EXOC3L4: variants seen among roughly 807,000 people sequenced by gnomAD.
The protein encoded by EXOC3L4 is exocyst complex component 3-like protein 4.
EXOC3L4 carries 62 observed loss-of-function variants against 69.7 expected under a neutral mutation model. The observed-to-expected ratio is 0.89, with a 90% CI of 0.72 to 1.10. The LOEUF (loss-of-function observed/expected upper bound fraction) is 1.10, where lower values mean the gene tolerates loss of function less well. Ranked by LOEUF, EXOC3L4 falls within the 50% of genes least tolerant of loss-of-function variation. The pLI, the probability that EXOC3L4 is intolerant of heterozygous loss-of-function variation, is 0.00. For missense variants in EXOC3L4, 1,087 were observed against 1,034.8 expected (o/e 1.05, Z -0.69); for synonymous variants, 502 against 464.2 (o/e 1.08, Z -1.05).
In EXOC3L4 at chr14:103,102,539, G is replaced by A. The variant is rs1402055100; in HGVS notation, c.816G>A (p.Ala272=). The change falls in exon 3 of 12, where the codon GCG becomes GCA. Residue 272 remains alanine, a synonymous_variant. Transcript: ENST00000688303. ...GGGCCTTCGGGGAGGCGGAGGGCGC[G>A]TCGGGTTTGGCCCAGCTTCTGGCCG... ...AGWAFGEAEG[A]SGLAQLLAEL... The A allele has an allele frequency of 7.1e-7, 1 of 1,411,018 alleles. No individual in the cohort carries two copies. The highest frequency in any genetic ancestry group is 9.2e-7 in the Non-Finnish European group (1 of 1,086,214). 87.4% of individuals were successfully genotyped at this position (1,411,018 alleles called of 1,614,324 possible).
chr14:103,104,131 C>A, intron 4 of EXOC3L4, 79 bp downstream of exon 4: 1 of 1,446,716 alleles, frequency 6.9e-7, no homozygotes, highest in Admixed American at 2.6e-5. Flanking sequence ...CCCAGGCTAT[C>A]GGCGGCCAGA....
Position 103,102,413 on chromosome 14 carries a change from C to T in EXOC3L4, c.690C>T (p.Asp230=). Residue 230 remains aspartate (D), a synonymous_variant, in exon 3 of 12, where the codon GAC becomes GAT. Coordinates refer to ENST00000688303, the MANE Select transcript of EXOC3L4 (RefSeq NM_001077594.2). ...AEEEAHPSPP[D]DGDFLRTPRR... is the part of the protein sequence containing the mutation. Reference sequence around the variant, plus strand: ...AGGAAGCCCACCCTTCTCCCCCCGACGACGGCGACTTCCTGCGCACGCCGC... The same window carrying T: ...AGGAAGCCCACCCTTCTCCCCCCGATGACGGCGACTTCCTGCGCACGCCGC... 6.5e-7 allele frequency: 1 copy of T among 1,532,842 alleles called. No homozygotes were observed. Among genetic ancestry groups the T allele is most frequent in the Non-Finnish European group, 8.7e-7 (1 of 1,148,390 alleles). 95.0% of individuals were successfully genotyped at this position (1,532,842 alleles called of 1,614,324 possible).
rs1394411337 is a variant in EXOC3L4 at position 103,107,562 on chromosome 14, C to A, written c.1701+19C>A. ...GGCACAGGTACCACAAGGGGGAGGG[C>A]CCTGGCAGGGCTGTGCCCAGGATTG... is the stretch of plus-strand genomic sequence containing the variant. On this transcript the variant is annotated intron_variant, in intron 9 of 11. Coordinates refer to ENST00000688303, the MANE Select transcript of EXOC3L4 (RefSeq NM_001077594.2). 2 of 1,612,928 alleles carry A rather than the reference C, an allele frequency of 1.2e-6. No individual in the cohort carries two copies. The highest frequency in any genetic ancestry group is 1.1e-5 in the South Asian group (1 of 91,028).
At position 103,104,050 on chromosome 14, in the gene EXOC3L4, GAGGTCAGGCCGGGC is replaced by G. The variant is rs1890384024; in HGVS notation, c.1160_1161+12del. On this transcript the variant is annotated splice_donor_variant and splice_donor_5th_base_variant and coding_sequence_variant and intron_variant, in exon 4 of 12. Transcript: ENST00000688303. LOFTEE classifies it high-confidence loss of function. ...GGAGAGCGACTACACCAGCTTCCTG[GAGGTCAGGCCGGGC>G]GGGTCAGGCTGGGCGGGCCAGGCTG... 1.3e-6 allele frequency: 2 copies of G among 1,566,062 alleles called. No homozygotes were observed. The highest frequency in any genetic ancestry group is 4.7e-5 in the East Asian group (2 of 42,412).
rs1292882331 is a variant in EXOC3L4, at chr14:103,100,236, C to G, written c.17C>G (p.Thr6Arg). The change falls in exon 2 of 12, where the codon ACA becomes AGA. Residue 6 changes from threonine (T) to arginine (R), a missense_variant. Transcript: ENST00000688303. Reference sequence around the variant, plus strand: ...GCTGCCAAGATGCCATCACCACAGACAGACACTCCTGGGCCGGAGCTGCAG... The same window carrying G: ...GCTGCCAAGATGCCATCACCACAGAGAGACACTCCTGGGCCGGAGCTGCAG... MPSPQ[T>R]DTPGPELQSP... is the part of the protein sequence containing the mutation. 6.3e-7 allele frequency: 1 copy of G among 1,580,022 alleles called. No homozygotes were observed.
intron 10 of EXOC3L4, 141 bp downstream of exon 10, chr14:103,107,924 T>G: frequency 8.0e-7 from 1 of 1,253,160 alleles, no homozygotes; most frequent in Non-Finnish European, 1.1e-6. Context: ...CTGGGGCGCC[T>G]GTGGGGCTGG....
In EXOC3L4 at chr14:103,107,790, G is replaced by C; in HGVS notation, c.1854+7G>C. On this transcript the variant is annotated splice_region_variant and intron_variant, in intron 10 of 11. Coordinates refer to ENST00000688303, the MANE Select transcript of EXOC3L4 (RefSeq NM_001077594.2). ...CGACACCTTCCAGGGCCTGGTAGGG[G>C]CGGCATGACTGCCCTTCGGTGCTCG... The C allele has an allele frequency of 6.6e-7, 1 of 1,508,402 alleles. No individual in the cohort carries two copies. The highest frequency in any genetic ancestry group is 8.9e-7 in the Non-Finnish European group (1 of 1,121,800). The allele number at this position is 1,508,402 out of a possible 1,614,324, so 93.4% of individuals were successfully genotyped here. A position where few individuals can be genotyped will look rare whatever the true frequency, so the allele number is the denominator to read the frequency against.
chr14:103,108,023 C>A (rs1411112896), intron 10 of EXOC3L4, among the ~76,000 whole-genome samples: 1 of 152,160 alleles, frequency 6.6e-6, no homozygotes, highest in Non-Finnish European at 1.5e-5. Flanking sequence ...AGGGTCACAG[C>A]CCCATCTCAC....
chr14:103,104,246 G>A (rs1294863781), intron 4 of EXOC3L4, 21 bp from the exon 5 acceptor site: 6 of 1,563,454 alleles, frequency 3.8e-6, no homozygotes, highest in African/African-American at 1.4e-5. Flanking sequence ...TCTCACCACG[G>A]CCCATCCCTT....
intron 4 of EXOC3L4, 25 bp from the exon 5 acceptor site, chr14:103,104,242 C>A: frequency 6.4e-7 from 1 of 1,554,264 alleles, no homozygotes; most frequent in Admixed American, 1.8e-5. Context: ...AGGGTCTCAC[C>A]ACGGCCCATC....
chr14:103,107,562 C>T lies in EXOC3L4; in HGVS notation c.1701+19C>T. ...GGCACAGGTACCACAAGGGGGAGGG[C>T]CCTGGCAGGGCTGTGCCCAGGATTG... On this transcript the variant is annotated intron_variant, in intron 9 of 11. Transcript: ENST00000688303. 17 of 1,613,046 alleles carry T rather than the reference C, an allele frequency of 1.1e-5. No individual in the cohort carries two copies. Among genetic ancestry groups the T allele is most frequent in the Non-Finnish European group, 1.4e-5 (16 of 1,179,710 alleles).
In EXOC3L4 at chr14:103,107,738, G is replaced by T; in HGVS notation, c.1809G>T (p.Lys603Asn). Residue 603 changes from lysine (K) to asparagine (N), a missense_variant, in exon 10 of 12, where the codon AAG (lysine) becomes AAT (asparagine). Coordinates refer to ENST00000688303, the MANE Select transcript of EXOC3L4 (RefSeq NM_001077594.2). ...TGGAGCGCATGCATGGCTCCCAGAA[G>T]ATGAGCCTGGATGCCCAGGCCATCA... is the stretch of plus-strand genomic sequence containing the variant. Reference protein sequence around the residue: ...RGMERMHGSQKMSLDAQAISD... With the variant: ...RGMERMHGSQNMSLDAQAISD... The T allele has an allele frequency of 6.5e-7, 1 of 1,545,628 alleles. No individual in the cohort carries two copies. Among genetic ancestry groups the T allele is most frequent in the Non-Finnish European group, 8.8e-7 (1 of 1,141,876 alleles).
In EXOC3L4 at chr14:103,107,657, C is replaced by T. The variant is rs368209664; in HGVS notation, c.1728C>T (p.Phe576=). 2.9e-5 allele frequency: 45 copies of T among 1,573,678 alleles called. No individual in the cohort carries two copies. The highest frequency in any genetic ancestry group is 4.1e-5 in the African/African-American group (3 of 73,976). Residue 576 remains phenylalanine, a synonymous_variant, in exon 10 of 12, where the codon TTC becomes TTT. Coordinates refer to ENST00000688303, the MANE Select transcript of EXOC3L4 (RefSeq NM_001077594.2). ...AQETLQEVHR[F]VVREYLARAL... is the part of the protein sequence containing the mutation. ...AGACTCTGCAGGAGGTGCACCGGTT[C>T]GTGGTCCGCGAGTACCTGGCGCGGG...
chr14:103,107,449 G>A lies in EXOC3L4; in HGVS notation c.1607G>A (p.Arg536Lys). The A allele has an allele frequency of 6.2e-7, 1 of 1,613,980 alleles. No individual in the cohort carries two copies. The highest frequency in any genetic ancestry group is 8.5e-7 in the Non-Finnish European group (1 of 1,180,004). Residue 536 changes from arginine (R) to lysine (K), a missense_variant, in exon 9 of 12, where the codon AGG (arginine) becomes AAG (lysine). Physicochemically the swap from Arg to Lys is conservative, Grantham distance 26. Transcript: ENST00000688303. ...LQPLFRVVCT[R>K]DWLTQDWLHP... Reference sequence around the variant, plus strand: ...CCGCTCTTCAGGGTTGTGTGCACCAGGGACTGGCTGACGCAGGACTGGCTG... The same window carrying A: ...CCGCTCTTCAGGGTTGTGTGCACCAAGGACTGGCTGACGCAGGACTGGCTG...
chr14:103,108,877 G>A (rs563595164), intron 11 of EXOC3L4, among the ~76,000 whole-genome samples: 49 of 152,154 alleles, frequency 3.2e-4, no homozygotes, highest in African/African-American at 1.2e-3. Context: ...CTGGGGGGTC[G>A]GTGAGTCATC....
rs1194137562 is a variant in EXOC3L4, at chr14:103,110,468, G to GA, written c.*245_*246insA. 15 of 473,958 alleles carry GA rather than the reference G, an allele frequency of 3.2e-5. No homozygotes were observed. The African/African-American group carries it at 1.1e-3, about 33-fold the overall frequency. The allele number at this position is 473,958 out of a possible 1,614,324, so 29.4% of individuals were successfully genotyped here. ...AGCTCTCAATGCTGCCTATCGGGCG[G>GA]GGGGGGGCCTCCCGCCCGACTGTCC... is the stretch of plus-strand genomic sequence containing the variant. On this transcript the variant is annotated 3_prime_UTR_variant, in exon 12 of 12. Transcript: ENST00000688303.
Position 103,110,203 on chromosome 14 carries a change from G to A in EXOC3L4, c.2149G>A (p.Val717Met), listed in dbSNP as rs557001430. 1.5e-5 allele frequency: 23 copies of A among 1,513,112 alleles called. No individual in the cohort carries two copies. In the East Asian group the frequency reaches 5.4e-4, roughly 36 times the overall value. 93.7% of individuals were successfully genotyped at this position (1,513,112 alleles called of 1,614,324 possible). The change falls in exon 12 of 12, where the codon GTG (valine) becomes ATG (methionine). Residue 717 changes from valine (V) to methionine (M), a missense_variant. Val to Met is a conservative substitution (Grantham distance 21, BLOSUM62 1). Transcript: ENST00000688303. ...EEIKVPSAMA[V>M]LITCV Reference sequence around the variant, plus strand: ...GATCAAGGTGCCCAGTGCCATGGCTGTGCTGATCACCTGCGTCTAGTTCTC... The same window carrying A: ...GATCAAGGTGCCCAGTGCCATGGCTATGCTGATCACCTGCGTCTAGTTCTC...
rs11355422 is a variant in EXOC3L4 at position 103,110,466 on chromosome 14, CG to C, written c.*252del. ...AGAGCTCTCAATGCTGCCTATCGGG[CG>C]GGGGGGGGCCTCCCGCCCGACTGTC... On this transcript the variant is annotated 3_prime_UTR_variant, in exon 12 of 12. Transcript: ENST00000688303. The C allele has an allele frequency of 0.61, 348,588 of 572,706 alleles. 107,549 individuals carry two copies. The highest frequency in any genetic ancestry group is 0.91 in the African/African-American group (48,231 of 53,080). The allele number at this position is 572,706 out of a possible 1,614,324, so 35.5% of individuals were successfully genotyped here. A position where few individuals can be genotyped will look rare whatever the true frequency, so the allele number is the denominator to read the frequency against.
chr14:103,107,782 T>C lies in EXOC3L4; in HGVS notation c.1853T>C (p.Leu618Pro), dbSNP rs2139511066. 6 of 1,515,778 alleles carry C rather than the reference T, an allele frequency of 4.0e-6. 1 individual carries two copies. In the South Asian group the frequency reaches 7.5e-5, roughly 19 times the overall value. 93.9% of individuals were successfully genotyped at this position (1,515,778 alleles called of 1,614,324 possible). A position where few individuals can be genotyped will look rare whatever the true frequency, so the allele number is the denominator to read the frequency against. ...GCCATCAGCGACACCTTCCAGGGCC[T>C]GGTAGGGGCGGCATGACTGCCCTTC... is the stretch of plus-strand genomic sequence containing the variant. ...AQAISDTFQG[L>P]GSEATWLDQA... The change falls in exon 10 of 12, where the codon CTG becomes CCG. Residue 618 changes from leucine (L) to proline (P), a missense_variant and splice_region_variant. Transcript: ENST00000688303.
Sources: allele counts gnomAD v4.1 joint callset (sites outside exome capture counted in the v4.1 genomes callset), GRCh38; gene constraint gnomAD v4.1.1; transcripts MANE v1.5; gene names NCBI Gene and HGNC (gene_info 2026-07-23, HGNC 2026-07-21).